MARK3: variants seen among roughly 807,000 people sequenced by gnomAD.
MARK3 encodes the protein MAP/microtubule affinity-regulating kinase 3.
Under a neutral mutation model 90.1 loss-of-function variants are expected in MARK3, and 46 were observed. That is an observed-to-expected ratio of 0.51 (90% CI 0.40 to 0.65). MARK3 has a LOEUF of 0.65. Among genes scored for constraint, MARK3 ranks in the 30% least tolerant of loss-of-function variants. MARK3 has a pLI of 0.00. For missense variants in MARK3, 818 were observed against 947.2 expected (o/e 0.86, Z 1.79); for synonymous variants, 321 against 332.6 (o/e 0.97, Z 0.38).
chr14:103,451,799 CAG>C, intron 4 of MARK3, 117 bp from the exon 5 acceptor site: 2 of 631,606 alleles, frequency 3.2e-6, no homozygotes, highest in East Asian at 5.7e-5. Flanking sequence ...TTTAGAGGGC[CAG>C]CTATTAAAAT....
chr14:103,387,738 C>T (rs1250392621), intron 1 of MARK3, among the ~76,000 whole-genome samples: 1 of 152,058 alleles, frequency 6.6e-6, no homozygotes, highest in Non-Finnish European at 1.5e-5. Flanking sequence ...TGTGATCCAC[C>T]CGCCTCGGCT....
intron 15 of MARK3, among the ~76,000 whole-genome samples, chr14:103,497,602 G>A (rs992793172): frequency 6.6e-6 from 1 of 152,024 alleles, no homozygotes; most frequent in Non-Finnish European, 1.5e-5. Context: ...CTGTTGTCTT[G>A]ACACTTAGTT....
At chr14:103,479,459 T>C (rs1427053525) in intron 13 of MARK3, among the ~76,000 whole-genome samples, 1 of 152,190 alleles carries the variant, frequency 6.6e-6, no homozygotes, top group Admixed American at 6.5e-5. Flanking sequence ...TATCCAGCAA[T>C]AGTGAGAGTC....
At chr14:103,424,796 G>A (rs916895825) in intron 2 of MARK3, among the ~76,000 whole-genome samples, 2 of 152,120 alleles carry the variant, frequency 1.3e-5, no homozygotes, top group African/African-American at 4.8e-5. Context: ...AATTACTTAT[G>A]AAGGTAAAGT....
At chr14:103,480,633 T>G in intron 14 of MARK3, 143 bp downstream of exon 14, 1 of 589,504 alleles carries the variant, frequency 1.7e-6, no homozygotes, top group East Asian at 2.9e-5. Flanking sequence ...GTATACTAAT[T>G]TTTAGCAAGA....
In MARK3 at chr14:103,480,471, C is replaced by G; in HGVS notation, c.1567C>G (p.Gln523Glu). ...TACAGCTGATAGACACTCAGTGATTCAGAATGGCAAAGAAAACAGGTAGGA... is the reference window on the plus strand; with the variant it reads ...TACAGCTGATAGACACTCAGTGATTGAGAATGGCAAAGAAAACAGGTAGGA... ...RTTADRHSVIQNGKENSTIPD... is the reference protein window; with the variant it reads ...RTTADRHSVIENGKENSTIPD... Residue 523 changes from glutamine (Q) to glutamate (E), a missense_variant, in exon 14 of 18, where the codon CAG becomes GAG. Physicochemically the swap from Gln to Glu is conservative, Grantham distance 29. Coordinates refer to ENST00000429436, the MANE Select transcript of MARK3 (RefSeq NM_001128918.3). The G allele has an allele frequency of 6.2e-7, 1 of 1,610,628 alleles. No individual in the cohort carries two copies. Among genetic ancestry groups the G allele is most frequent in the Non-Finnish European group, 8.5e-7 (1 of 1,177,790 alleles).
chr14:103,423,728 C>T lies in MARK3; in HGVS notation c.244-4659C>T, dbSNP rs2092306571. On this transcript the variant is annotated intron_variant, in intron 2 of 17. Transcript: ENST00000429436. ...GGAGGAAGAGGGGATTAGGAACTCC[C>T]GCTCAGGCTTCCTTGCTGCACGTAC... Among the ~76,000 whole-genome samples, 3 of 152,322 alleles carry T rather than the reference C, an allele frequency of 2.0e-5. No individual in the cohort carries two copies. The South Asian group carries it at 6.2e-4, about 32-fold the overall frequency.
Position 103,405,137 on chromosome 14 carries a change from G to A in MARK3, c.113G>A (p.Arg38Gln), listed in dbSNP as rs569205142. The change falls in exon 2 of 18, where the codon CGG (arginine) becomes CAG (glutamine). Residue 38 changes from arginine (R) to glutamine (Q), a missense_variant. Coordinates refer to ENST00000429436, the MANE Select transcript of MARK3 (RefSeq NM_001128918.3). ...VTSRTSRSGA[R>Q]CRNSIASCAD... Reference sequence around the variant, plus strand: ...TCTCGTACCAGCCGCTCAGGAGCTCGGTGTAGAAACTCTATAGCCTCCTGT... The same window carrying A: ...TCTCGTACCAGCCGCTCAGGAGCTCAGTGTAGAAACTCTATAGCCTCCTGT... 112 of 1,613,846 alleles carry A rather than the reference G, an allele frequency of 6.9e-5. 1 individual carries two copies. The South Asian group carries it at 9.1e-4, about 13-fold the overall frequency.
intron 2 of MARK3, among the ~76,000 whole-genome samples, chr14:103,425,084 G>GC (rs1432268562): frequency 1.3e-5 from 2 of 151,710 alleles, no homozygotes; most frequent in Non-Finnish European, 2.9e-5. Flanking sequence ...GGGATTACAG[G>GC]CCCATGCCAC....
chr14:103,448,767 A>G, intron 3 of MARK3, 152 bp from the exon 4 acceptor site: 2 of 695,100 alleles, frequency 2.9e-6, no homozygotes, highest in South Asian at 4.7e-5. Flanking sequence ...GATATTCTGG[A>G]CTTTCATATT....
intron 2 of MARK3, 147 bp downstream of exon 2, chr14:103,405,414 G>GCA: frequency 9.0e-6 from 5 of 555,284 alleles, no homozygotes; most frequent in Non-Finnish European, 1.5e-5. Flanking sequence ...GCAGTGGCAT[G>GCA]ATCTCAGCTC....
intron 2 of MARK3, chr14:103,412,558 G>GGA (rs1472976008): frequency 6.3e-6 from 4 of 631,510 alleles, no homozygotes; most frequent in Non-Finnish European, 1.1e-5. Flanking sequence ...CAGTGCTGCT[G>GGA]TTCCCCCAGG....
chr14:103,466,553 T>C lies in MARK3; in HGVS notation c.997+111T>C. 6.0e-6 allele frequency: 4 copies of C among 662,220 alleles called. No homozygotes were observed. The South Asian group carries it at 6.2e-5, about 10-fold the overall frequency. The allele number at this position is 662,220 out of a possible 1,614,324, so 41.0% of individuals were successfully genotyped here. A position where few individuals can be genotyped will look rare whatever the true frequency, so the allele number is the denominator to read the frequency against. ...ATAATGGAAAGTTAAGCACAAGTCA[T>C]ATGAACAGTTTATCTGTTCTGTCAT... On this transcript the variant is annotated intron_variant, in intron 10 of 17. Coordinates refer to ENST00000429436, the MANE Select transcript of MARK3 (RefSeq NM_001128918.3).
In MARK3 at chr14:103,451,840, A is replaced by G. The variant is rs900567799; in HGVS notation, c.347-78A>G. ...TAACAGGGAAAAGGTTGCTTTTCAT[A>G]GTTAGAGTTTATATGTGCATGGTTT... On this transcript the variant is annotated intron_variant, in intron 4 of 17. Transcript: ENST00000429436. 6.2e-6 allele frequency: 6 copies of G among 960,342 alleles called. No individual in the cohort carries two copies. The African/African-American group carries it at 6.8e-5, about 11-fold the overall frequency. The allele number at this position is 960,342 out of a possible 1,614,324, so 59.5% of individuals were successfully genotyped here.
chr14:103,455,725 CA>C lies in MARK3; in HGVS notation c.413-1399del, dbSNP rs57129835. ...CCTGGGCAACAGCACAACTCTGTCT[CA>C]AAAAAAAAAAAAAAAAAGCATTATG... On this transcript the variant is annotated intron_variant, in intron 5 of 17. Coordinates refer to ENST00000429436, the MANE Select transcript of MARK3 (RefSeq NM_001128918.3). Among the ~76,000 whole-genome samples, 631 of 84,000 alleles carry C rather than the reference CA, an allele frequency of 7.5e-3. 1 individual carries two copies. Among genetic ancestry groups the C allele is most frequent in the African/African-American group, 0.02 (356 of 17,472 alleles). 55.1% of individuals were successfully genotyped at this position (84,000 alleles called of 152,430 possible).
chr14:103,497,413 C>T (rs566076136), intron 15 of MARK3, among the ~76,000 whole-genome samples: 1 of 152,332 alleles, frequency 6.6e-6, no homozygotes, highest in African/African-American at 2.4e-5. Context: ...CAAACTCAGC[C>T]TATTTTTGCC....
At chr14:103,461,763 G>A (rs923357474) in intron 6 of MARK3, among the ~76,000 whole-genome samples, 3 of 152,122 alleles carry the variant, frequency 2.0e-5, no homozygotes, top group African/African-American at 7.2e-5. Flanking sequence ...CAGGCCGGGC[G>A]CAGTGGCTCA....
At chr14:103,411,913 G>T (rs537763620) in intron 2 of MARK3, among the ~76,000 whole-genome samples, 1 of 149,990 alleles carries the variant, frequency 6.7e-6, no homozygotes, top group African/African-American at 2.5e-5. Context: ...GAGCCACCAC[G>T]CCCGGCCAAT....
At chr14:103,476,057 A>G (rs1438860466) in intron 13 of MARK3, among the ~76,000 whole-genome samples, 1 of 152,128 alleles carries the variant, frequency 6.6e-6, no homozygotes, top group Non-Finnish European at 1.5e-5. Flanking sequence ...AAGCTTAAAC[A>G]TGAGTTTTGG....
Sources: allele counts gnomAD v4.1 joint callset (sites outside exome capture counted in the v4.1 genomes callset), GRCh38; gene constraint gnomAD v4.1.1; transcripts MANE v1.5; gene names NCBI Gene and HGNC (gene_info 2026-07-23, HGNC 2026-07-21).